PANK3: variants seen among roughly 807,000 people sequenced by gnomAD.
PANK3 encodes the protein hPanK3.
Under a neutral mutation model 39.4 loss-of-function variants are expected in PANK3, and 20 were observed. The observed-to-expected ratio is 0.51, with a 90% CI of 0.36 to 0.74. The LOEUF (loss-of-function observed/expected upper bound fraction) is 0.74, where lower values mean the gene tolerates loss of function less well. Ranked by LOEUF, PANK3 falls within the 30% of genes least tolerant of loss-of-function variation. The pLI is 0.00. For missense variants in PANK3, 265 were observed against 437.0 expected (o/e 0.61, Z 3.51); for synonymous variants, 140 against 157.3 (o/e 0.89, Z 0.82).
chr5:168,577,750 CT>C (rs1348977597), intron 1 of PANK3, among the ~76,000 whole-genome samples: 1 of 152,164 alleles, frequency 6.6e-6, no homozygotes, highest in Non-Finnish European at 1.5e-5. Context: ...AATCAAATCA[CT>C]ATCATGACAA....
At chr5:168,561,596 G>A in intron 4 of PANK3, 80 bp from the exon 5 acceptor site, 7 of 1,191,762 alleles carry the variant, frequency 5.9e-6, no homozygotes, top group South Asian at 4.7e-5. Flanking sequence ...TCTACAACCT[G>A]GATATTTTTA....
intron 6 of PANK3, among the ~76,000 whole-genome samples, chr5:168,558,364 C>T (rs1365185596): frequency 2.6e-5 from 4 of 151,898 alleles, no homozygotes; most frequent in East Asian, 1.9e-4. Flanking sequence ...GGGGTTTCAC[C>T]GTTGTTAGCC....
intron 4 of PANK3, among the ~76,000 whole-genome samples, chr5:168,562,271 T>C (rs989145804): frequency 6.6e-6 from 1 of 152,084 alleles, no homozygotes; most frequent in Non-Finnish European, 1.5e-5. Flanking sequence ...TATCTTTTAT[T>C]ACAGTGGTAA....
rs148135410 is a variant in PANK3, at chr5:168,566,312, A to C, written c.382-46T>G. On this transcript the variant is annotated intron_variant, in intron 2 of 6. Transcript: ENST00000239231. ...AAACAAAAAAGGATGACATTCAAAA[A>C]CACTCAACTATATGATTTTCCTGTA... The C allele has an allele frequency of 5.8e-4, 886 of 1,536,866 alleles. 6 individuals are homozygous for C. The African/African-American group carries it at 0.01, about 18-fold the overall frequency.
intron 1 of PANK3, among the ~76,000 whole-genome samples, chr5:168,572,371 CTGTT>C (rs755497491): frequency 1.3e-5 from 2 of 152,012 alleles, no homozygotes; most frequent in Non-Finnish European, 1.5e-5. Context: ...TGCAACAAGG[CTGTT>C]TATTTCACCT....
At chr5:168,569,022 AAAAAAAAAAT>A in intron 1 of PANK3, 24 bp from the exon 2 acceptor site, 4 of 361,086 alleles carry the variant, frequency 1.1e-5, no homozygotes, top group African/African-American at 6.7e-5. Flanking sequence ...AAAAAAAAAA[AAAAAAAAAAT>A]ATATATATAT....
intron 6 of PANK3, among the ~76,000 whole-genome samples, chr5:168,558,031 TA>T (rs1277512975): frequency 1.3e-5 from 2 of 152,106 alleles, no homozygotes; most frequent in Non-Finnish European, 2.9e-5. Context: ...CCCCTTTACT[TA>T]ATAAAACAAA....
chr5:168,572,773 A>C (rs1265065814), intron 1 of PANK3, among the ~76,000 whole-genome samples: 2 of 152,172 alleles, frequency 1.3e-5, no homozygotes, highest in African/African-American at 4.8e-5. Flanking sequence ...ATTAATAAGA[A>C]ACTCAAAACA....
intron 6 of PANK3, among the ~76,000 whole-genome samples, chr5:168,558,663 T>C (rs1561839178): frequency 6.6e-6 from 1 of 152,156 alleles, no homozygotes; most frequent in Admixed American, 6.5e-5. Flanking sequence ...TAACAGGTTA[T>C]TGTAATTCTC....
intron 1 of PANK3, among the ~76,000 whole-genome samples, chr5:168,571,970 T>C (rs1378101086): frequency 1.3e-5 from 2 of 152,098 alleles, no homozygotes; most frequent in Admixed American, 1.3e-4. Flanking sequence ...AGACCATAAT[T>C]TGGGAAGCCA....
chr5:168,576,456 G>GT (rs1223200379), intron 1 of PANK3, among the ~76,000 whole-genome samples: 30 of 152,168 alleles, frequency 2.0e-4, no homozygotes, highest in Admixed American at 1.8e-3. Context: ...AGGGAAGAGA[G>GT]TAACACAGGA....
chr5:168,575,933 T>C (rs529788580), intron 1 of PANK3, among the ~76,000 whole-genome samples: 1 of 152,286 alleles, frequency 6.6e-6, no homozygotes, highest in South Asian at 2.1e-4. Context: ...AAAGTTAGCA[T>C]GTATGCTGGT....
intron 1 of PANK3, among the ~76,000 whole-genome samples, chr5:168,569,510 A>G: frequency 6.6e-6 from 1 of 152,028 alleles, no homozygotes; most frequent in African/African-American, 2.4e-5. Context: ...TTTTATTAAT[A>G]TATTTTCTAA....
At chr5:168,578,867 G>C (rs978196088) in intron 1 of PANK3, among the ~76,000 whole-genome samples, 1 of 152,182 alleles carries the variant, frequency 6.6e-6, no homozygotes, top group Admixed American at 6.5e-5. Context: ...CAGGAAGCCC[G>C]GAAATCCCTA....
At chr5:168,574,275 T>C (rs1273907433) in intron 1 of PANK3, among the ~76,000 whole-genome samples, 2 of 151,446 alleles carry the variant, frequency 1.3e-5, no homozygotes, top group Non-Finnish European at 2.9e-5. Flanking sequence ...CCAGTGATGG[T>C]GAGCATTTTT....
At position 168,566,206 on chromosome 5, in the gene PANK3, A is replaced by G; in HGVS notation, c.442T>C (p.Tyr148His). 6.2e-7 allele frequency: 1 copy of G among 1,613,818 alleles called. No homozygotes were observed. The highest frequency in any genetic ancestry group is 8.5e-7 in the Non-Finnish European group (1 of 1,179,774). The change falls in exon 3 of 7, where the codon TAT becomes CAT. Residue 148 changes from tyrosine to histidine, a missense_variant. Tyr to His is a moderately conservative substitution (Grantham distance 83, BLOSUM62 2). Around this residue, in one of 3 missense-constraint regions of PANK3, gnomAD observed 154 missense variants for 256.8 expected, o/e 0.60. Transcript: ENST00000239231. ...CCATTGAAACTGACAGAGTCTATAT[A>G]CAGCAAGCCCTTTACAAGGCAGTCA... ...ELDCLVKGLL[Y>H]IDSVSFNGQA... is the part of the protein sequence containing the mutation.
In PANK3 at chr5:168,550,437, A is replaced by G. The variant is rs1489595005; in HGVS notation, c.*7134T>C. 2 of 152,228 alleles carry G rather than the reference A, an allele frequency of 1.3e-5. No individual in the cohort carries two copies. The highest frequency in any genetic ancestry group is 2.4e-5 in the African/African-American group (1 of 41,466). 9.4% of individuals were successfully genotyped at this position (152,228 alleles called of 1,614,324 possible). On this transcript the variant is annotated 3_prime_UTR_variant, in exon 7 of 7. Coordinates refer to ENST00000239231, the MANE Select transcript of PANK3 (RefSeq NM_024594.4). Reference sequence around the variant, plus strand: ...TTATGAATAATTTTTTGTACAATGAAAAAGTCATAATGCCCATATAATTCT... The same window carrying G: ...TTATGAATAATTTTTTGTACAATGAGAAAGTCATAATGCCCATATAATTCT...
intron 2 of PANK3, among the ~76,000 whole-genome samples, chr5:168,567,710 G>C (rs1759559380): frequency 6.6e-6 from 1 of 152,054 alleles, no homozygotes; most frequent in Non-Finnish European, 1.5e-5. Flanking sequence ...TCAATCTCAA[G>C]AGCTCAAGCA....
chr5:168,570,265 G>C (rs1222006022), intron 1 of PANK3, among the ~76,000 whole-genome samples: 3 of 151,556 alleles, frequency 2.0e-5, no homozygotes, highest in Non-Finnish European at 2.9e-5. Flanking sequence ...GGCGCCTGTA[G>C]TCCCAGCTAC....
Sources: allele counts gnomAD v4.1 joint callset (sites outside exome capture counted in the v4.1 genomes callset), GRCh38; gene constraint gnomAD v4.1.1; regional missense constraint gnomAD v4.1.1; transcripts MANE v1.5; gene names NCBI Gene and HGNC (gene_info 2026-07-23, HGNC 2026-07-21).